VPS13B: variants seen among roughly 807,000 people sequenced by gnomAD.
VPS13B encodes the protein vacuolar protein sorting 13 homolog B.
A neutral mutation model predicts 426.4 loss-of-function variants in VPS13B; 285 were observed. The observed-to-expected ratio is 0.67, with a 90% confidence interval of 0.61 to 0.74. The LOEUF (loss-of-function observed/expected upper bound fraction) is 0.74, where lower values mean the gene tolerates loss of function less well. VPS13B is among the 30% of genes least tolerant of loss of function. The pLI is 0.00. For synonymous variants in VPS13B, 1,676 were observed against 1,676.4 expected, an observed-to-expected ratio of 1.00 and a Z score of 0.01; for missense variants, 4,537 against 4,782.6, an observed-to-expected ratio of 0.95 and a Z score of 1.51.
chr8:99,255,828 C>T (rs1817717243), intron 17 of VPS13B, among the ~76,000 whole-genome samples: 2 of 152,088 alleles, frequency 1.3e-5, no homozygotes, highest in African/African-American at 4.8e-5. Flanking sequence ...TCTCTTGACA[C>T]CACCCCAGCT....
intron 33 of VPS13B, among the ~76,000 whole-genome samples, chr8:99,606,550 G>A (rs1827590729): frequency 6.7e-6 from 1 of 149,798 alleles, no homozygotes. Flanking sequence ...AAAGATGTCA[G>A]CATGGCTTTG....
In VPS13B at chr8:99,664,501, TG is replaced by T. The variant is rs572863678; in HGVS notation, c.6046+3011del. Reference sequence around the variant, plus strand: ...CCCCACAACAGTCCCCGGTGTGTGATGTTCCCCTTCCTGTGTCTATGTGTTC... The same window carrying T: ...CCCCACAACAGTCCCCGGTGTGTGATTTCCCCTTCCTGTGTCTATGTGTTC... On this transcript the variant is annotated intron_variant, in intron 35 of 61. Transcript: ENST00000357162. Among the ~76,000 whole-genome samples, 199 of 152,094 alleles carry T rather than the reference TG, an allele frequency of 1.3e-3. 1 individual carries two copies. Among genetic ancestry groups the T allele is most frequent in the African/African-American group, 4.6e-3 (191 of 41,490 alleles).
At chr8:99,335,300 A>G (rs892076629) in intron 19 of VPS13B, among the ~76,000 whole-genome samples, 19 of 152,148 alleles carry the variant, frequency 1.2e-4, no homozygotes, top group Admixed American at 6.6e-5. Context: ...GATCCTATCA[A>G]AAAACCAGCT....
chr8:99,452,648 T>G (rs193217892), intron 23 of VPS13B, among the ~76,000 whole-genome samples: 39 of 152,220 alleles, frequency 2.6e-4, no homozygotes, highest in Non-Finnish European at 5.1e-4. Flanking sequence ...TCCTGGTCTT[T>G]ACGAAATGAA....
chr8:99,302,058 A>T (rs114563618), intron 19 of VPS13B, among the ~76,000 whole-genome samples: 1 of 152,266 alleles, frequency 6.6e-6, no homozygotes, highest in African/African-American at 2.4e-5. Flanking sequence ...TATTTCAATG[A>T]TCTCTAATGG....
chr8:99,242,600 C>T (rs1816994163), intron 17 of VPS13B, among the ~76,000 whole-genome samples: 1 of 152,140 alleles, frequency 6.6e-6, no homozygotes, highest in African/African-American at 2.4e-5. Flanking sequence ...CATATGTAAT[C>T]TTGTATTCAG....
chr8:99,609,185 C>A (rs1827733135), intron 33 of VPS13B, among the ~76,000 whole-genome samples: 1 of 152,116 alleles, frequency 6.6e-6, no homozygotes, highest in African/African-American at 2.4e-5. Context: ...GAATCTTTCA[C>A]CCATGCACGA....
intron 2 of VPS13B, among the ~76,000 whole-genome samples, chr8:99,030,654 A>C (rs1842468626): frequency 6.6e-6 from 1 of 152,234 alleles, no homozygotes; most frequent in Non-Finnish European, 1.5e-5. Flanking sequence ...TGATAATCAT[A>C]CAAATGCACA....
At chr8:99,210,442 TGGATC>T (rs1162754989) in intron 17 of VPS13B, among the ~76,000 whole-genome samples, 2 of 152,172 alleles carry the variant, frequency 1.3e-5, no homozygotes, top group Admixed American at 1.3e-4. Flanking sequence ...TGGATTCCAC[TGGATC>T]GGATATCGGG....
At chr8:99,637,196 C>T (rs1222072921) in intron 33 of VPS13B, among the ~76,000 whole-genome samples, 1 of 151,862 alleles carries the variant, frequency 6.6e-6, no homozygotes, top group East Asian at 1.9e-4. Flanking sequence ...AGTTTAGGGC[C>T]CAGCACACAT....
At chr8:99,251,894 CTT>C (rs1817528092) in intron 17 of VPS13B, among the ~76,000 whole-genome samples, 1 of 151,624 alleles carries the variant, frequency 6.6e-6, no homozygotes, top group Admixed American at 6.6e-5. Flanking sequence ...CAAAATTAAT[CTT>C]TTGATAACTG....
At chr8:99,644,591 A>G (rs1473661098) in intron 34 of VPS13B, among the ~76,000 whole-genome samples, 1 of 152,128 alleles carries the variant, frequency 6.6e-6, no homozygotes, top group African/African-American at 2.4e-5. Flanking sequence ...ATGTAGGAGG[A>G]AAAAGGCTCA....
At chr8:99,451,461 A>C (rs1455667900) in intron 23 of VPS13B, among the ~76,000 whole-genome samples, 4 of 152,220 alleles carry the variant, frequency 2.6e-5, no homozygotes, top group South Asian at 4.1e-4. Context: ...AGAGTAGTGC[A>C]ATAAATAGTC....
At position 99,188,764 on chromosome 8, in the gene VPS13B, C is replaced by T. The variant is rs907441090; in HGVS notation, c.2334-4112C>T. Among the ~76,000 whole-genome samples, 40 of 152,154 alleles carry T rather than the reference C, an allele frequency of 2.6e-4. 1 individual carries two copies. Among genetic ancestry groups the T allele is most frequent in the Non-Finnish European group, 1.2e-4 (8 of 68,026 alleles). On this transcript the variant is annotated intron_variant, in intron 16 of 61. Coordinates refer to ENST00000357162, the MANE Select transcript of VPS13B (RefSeq NM_152564.5). ...TTTATTTTTTAAAATTACATCCCTT[C>T]TGATGGGTATGAAGTGGTATCTTGT...
chr8:99,080,405 A>T (rs566193289), intron 3 of VPS13B, among the ~76,000 whole-genome samples: 35 of 152,110 alleles, frequency 2.3e-4, no homozygotes, highest in African/African-American at 8.0e-4. Flanking sequence ...ATATCTTTTA[A>T]TCAGTGGGGT....
At chr8:99,373,328 TA>T (rs537637668) in intron 19 of VPS13B, among the ~76,000 whole-genome samples, 381 of 140,330 alleles carry the variant, frequency 2.7e-3, no homozygotes, top group East Asian at 8.2e-3. Context: ...GAAGTAAAAT[TA>T]AAAAAAAAAA....
intron 29 of VPS13B, among the ~76,000 whole-genome samples, chr8:99,513,119 A>G (rs1821882644): frequency 6.6e-6 from 1 of 151,662 alleles, no homozygotes; most frequent in Non-Finnish European, 1.5e-5. Flanking sequence ...AAAGTTTTAT[A>G]CTATATAATA....
intron 40 of VPS13B, among the ~76,000 whole-genome samples, chr8:99,769,913 C>T (rs1467077205): frequency 6.6e-6 from 1 of 152,156 alleles, no homozygotes; most frequent in Non-Finnish European, 1.5e-5. Context: ...AATCCCTGCA[C>T]TTTGGGAGGC....
chr8:99,171,612 A>G (rs1812337766), intron 16 of VPS13B, among the ~76,000 whole-genome samples: 1 of 152,052 alleles, frequency 6.6e-6, no homozygotes, highest in African/African-American at 2.4e-5. Context: ...ACAGACATCT[A>G]GAAATAATAT....
Sources: gnomAD v4.1 joint callset for allele counts (sites outside exome capture counted in the v4.1 genomes callset) on GRCh38, gnomAD v4.1.1 for gene constraint, MANE v1.5 for transcripts, NCBI Gene and HGNC (gene_info 2026-07-23, HGNC 2026-07-21) for gene names.